Variants in SLC27A6 observed in about 807,000 individuals in gnomAD.
The protein encoded by SLC27A6 is long-chain fatty acid transport protein 6.
SLC27A6 carries 74 observed loss-of-function variants against 63.9 expected under a neutral mutation model. That is an observed-to-expected ratio of 1.16 (90% CI 0.96 to 1.40). The LOEUF (loss-of-function observed/expected upper bound fraction) is 1.40, where lower values mean the gene tolerates loss of function less well. SLC27A6 is among the 40% of genes most tolerant of loss of function. The probability of loss-of-function intolerance (pLI) is 0.00; values close to 1 mark genes in which losing one functional copy is unlikely to be tolerated. For missense variants in SLC27A6, 794 were observed against 732.9 expected, an observed-to-expected ratio of 1.08 and a Z score of -0.96; for synonymous variants, 287 against 260.8, an observed-to-expected ratio of 1.10 and a Z score of -0.97.
In SLC27A6 at chr5:129,033,506, C is replaced by T. The variant is rs1752475498; in HGVS notation, c.*224C>T. ...ATCTATTTGGAGATTCAGTGCATAA[C>T]TAAGTATTTTCCTTAATACTAAAGA... On this transcript the variant is annotated 3_prime_UTR_variant, in exon 10 of 10. Transcript: ENST00000262462. 1 of 236,452 alleles carries T rather than the reference C, an allele frequency of 4.2e-6. No homozygotes were observed. The highest frequency in any genetic ancestry group is 5.7e-5 in the Admixed American group (1 of 17,612). The allele number at this position is 236,452 out of a possible 1,614,324, so 14.6% of individuals were successfully genotyped here.
In SLC27A6 at chr5:128,988,676, T is replaced by G. The variant is rs1750872992; in HGVS notation, c.762T>G (p.Thr254=). 1 of 1,613,800 alleles carries G rather than the reference T, an allele frequency of 6.2e-7. No homozygotes were observed. Among genetic ancestry groups the G allele is most frequent in the Non-Finnish European group, 8.5e-7 (1 of 1,179,798 alleles). Residue 254 remains threonine, a synonymous_variant, in exon 3 of 10, where the codon ACT becomes ACG. Transcript: ENST00000262462. ...GSAVLWAFGC[T]AHDIVYITLP... ...CTGTCCTGTGGGCTTTTGGTTGTAC[T>G]GCTCATGACATTGTTTATATAACCC...
intron 1 of SLC27A6, among the ~76,000 whole-genome samples, chr5:128,967,377 A>G (rs12517685): frequency 0.11 from 16,248 of 152,200 alleles, 1,427 homozygotes; most frequent in East Asian, 0.24. Context: ...GAAATATGAA[A>G]AATGATACTT....
chr5:129,023,544 A>G, intron 5 of SLC27A6, 76 bp from the exon 6 acceptor site: 2 of 999,424 alleles, frequency 2.0e-6, no homozygotes, highest in South Asian at 1.4e-5. Flanking sequence ...ACAGTAGACT[A>G]AATTGCTTGT....
intron 4 of SLC27A6, among the ~76,000 whole-genome samples, chr5:129,014,994 A>G (rs1483900211): frequency 1.3e-5 from 2 of 152,222 alleles, no homozygotes; most frequent in African/African-American, 4.8e-5. Flanking sequence ...TGAAATAAAT[A>G]ATGTGATCCA....
chr5:128,990,852 G>A (rs1750955946), intron 4 of SLC27A6, among the ~76,000 whole-genome samples: 1 of 152,206 alleles, frequency 6.6e-6, no homozygotes, highest in South Asian at 2.1e-4. Context: ...AGCCCGATTG[G>A]GAGCGGCAAT....
rs759289395 is a variant in SLC27A6 at position 128,990,495 on chromosome 5, G to C, written c.969+31G>C. ...CGTAATCATTATCAGAAAAAAATAT[G>C]TCAGAAAGAATAAGTATTGAGATAG... On this transcript the variant is annotated intron_variant, in intron 4 of 9. Coordinates refer to ENST00000262462, the MANE Select transcript of SLC27A6 (RefSeq NM_001017372.3). 24 of 1,583,532 alleles carry C rather than the reference G, an allele frequency of 1.5e-5. No homozygotes were observed. The Admixed American group carries it at 4.1e-4, about 27-fold the overall frequency.
intron 4 of SLC27A6, among the ~76,000 whole-genome samples, chr5:129,004,271 CT>C (rs1046542781): frequency 1.3e-5 from 2 of 152,114 alleles, no homozygotes; most frequent in Admixed American, 6.6e-5. Context: ...TTGACTCTGT[CT>C]TTTTTTCTGT....
intron 4 of SLC27A6, among the ~76,000 whole-genome samples, chr5:128,997,399 A>C (rs2150140167): frequency 6.6e-6 from 1 of 152,310 alleles, no homozygotes; most frequent in African/African-American, 2.4e-5. Context: ...ACATTGTTAT[A>C]ATAGATATAA....
At chr5:128,991,411 G>C (rs938824790) in intron 4 of SLC27A6, among the ~76,000 whole-genome samples, 5 of 152,128 alleles carry the variant, frequency 3.3e-5, no homozygotes, top group Non-Finnish European at 5.9e-5. Context: ...AATAAGACAA[G>C]TGAAAGAAAA....
At chr5:129,008,528 T>C (rs569051427) in intron 4 of SLC27A6, among the ~76,000 whole-genome samples, 29 of 152,306 alleles carry the variant, frequency 1.9e-4, no homozygotes, top group African/African-American at 7.0e-4. Flanking sequence ...CATTATACCA[T>C]ATAAAAGATT....
rs1442601506 is a variant in SLC27A6, at chr5:128,966,100, G to C, written c.-38G>C. 1.3e-6 allele frequency: 2 copies of C among 1,519,236 alleles called. No homozygotes were observed. The highest frequency in any genetic ancestry group is 8.8e-7 in the Non-Finnish European group (1 of 1,137,604). 94.1% of individuals were successfully genotyped at this position (1,519,236 alleles called of 1,614,324 possible). On this transcript the variant is annotated 5_prime_UTR_variant, in exon 1 of 10. Transcript: ENST00000262462. The stretch of plus-strand genomic sequence containing the variant: ...CCTGGAAGAGAAGGACGCTGGTGGG[G>C]GCTGAGATCAGAGCTGTCTTCTGGC...
chr5:128,984,329 C>T (rs752881817), intron 1 of SLC27A6, among the ~76,000 whole-genome samples: 4 of 152,168 alleles, frequency 2.6e-5, no homozygotes, highest in Middle Eastern at 3.2e-3. Context: ...CCCAGTCCCA[C>T]CTTCTGTCTC....
At chr5:128,967,030 G>T (rs575015161) in intron 1 of SLC27A6, among the ~76,000 whole-genome samples, 1 of 152,312 alleles carries the variant, frequency 6.6e-6, no homozygotes, top group South Asian at 2.1e-4. Flanking sequence ...TTGCAGAAGA[G>T]ATATGTTTAA....
intron 1 of SLC27A6, among the ~76,000 whole-genome samples, chr5:128,974,949 G>A (rs1420865526): frequency 6.6e-6 from 1 of 152,156 alleles, no homozygotes; most frequent in Non-Finnish European, 1.5e-5. Context: ...GTAATCCTGG[G>A]GCTTTTAATA....
At chr5:128,992,895 T>G (rs528454019) in intron 4 of SLC27A6, among the ~76,000 whole-genome samples, 4 of 152,312 alleles carry the variant, frequency 2.6e-5, no homozygotes, top group Middle Eastern at 3.4e-3. Flanking sequence ...TCCTGTTTCC[T>G]CTCATCCTTT....
intron 4 of SLC27A6, among the ~76,000 whole-genome samples, chr5:128,998,300 A>T (rs1375266858): frequency 6.6e-6 from 1 of 151,998 alleles, no homozygotes; most frequent in Non-Finnish European, 1.5e-5. Flanking sequence ...GTTTCAAAAT[A>T]AAAAAAGTAA....
At chr5:129,007,632 A>G (rs1448393236) in intron 4 of SLC27A6, among the ~76,000 whole-genome samples, 1 of 152,132 alleles carries the variant, frequency 6.6e-6, no homozygotes, top group Non-Finnish European at 1.5e-5. Context: ...ATTTTAAATT[A>G]AATGAAATGT....
chr5:129,030,496 A>G (rs970568517), intron 9 of SLC27A6, among the ~76,000 whole-genome samples: 1 of 151,992 alleles, frequency 6.6e-6, no homozygotes, highest in Non-Finnish European at 1.5e-5. Context: ...CAGCCAAGTC[A>G]CTGCTTATTC....
intron 1 of SLC27A6, among the ~76,000 whole-genome samples, chr5:128,972,047 T>G (rs1750187490): frequency 6.6e-6 from 1 of 152,180 alleles, no homozygotes; most frequent in African/African-American, 2.4e-5. Flanking sequence ...GATATGAAAT[T>G]CTGGGTTGAA....
Sources: allele counts gnomAD v4.1 joint callset (sites outside exome capture counted in the v4.1 genomes callset), GRCh38; gene constraint gnomAD v4.1.1; transcripts MANE v1.5; gene names NCBI Gene and HGNC (gene_info 2026-07-23, HGNC 2026-07-21).